The following CSMD1 variants were observed in gnomAD, a reference collection of about 807,000 sequenced individuals.
CSMD1 encodes the protein CUB and Sushi multiple domains 1.
In CSMD1, 213 loss-of-function variants were observed where a neutral mutation model predicts 417.5. That is an observed-to-expected ratio of 0.51 (90% CI 0.46 to 0.57). The LOEUF (loss-of-function observed/expected upper bound fraction) is 0.57, where lower values mean the gene tolerates loss of function less well. Among genes scored for constraint, CSMD1 ranks in the 20% least tolerant of loss-of-function variants. CSMD1 has a pLI of 0.00. For synonymous variants in CSMD1, 2,862 were observed against 1,736.8 expected (o/e 1.65, Z -16.11); for missense variants, 6,923 against 4,529.7 (o/e 1.53, Z -15.17).
intron 23 of CSMD1, among the ~76,000 whole-genome samples, chr8:3,340,876 G>T (rs1445535542): frequency 2.6e-5 from 4 of 152,232 alleles, no homozygotes; most frequent in African/African-American, 9.6e-5. Flanking sequence ...GGAACAGAAA[G>T]GTGAAACAGG....
intron 25 of CSMD1, among the ~76,000 whole-genome samples, chr8:3,297,280 C>G (rs981356484): frequency 6.6e-6 from 1 of 151,982 alleles, no homozygotes; most frequent in African/African-American, 2.4e-5. Context: ...CATGGGATAT[C>G]AATAAAAATC....
intron 10 of CSMD1, among the ~76,000 whole-genome samples, chr8:3,570,484 G>A (rs12677339): frequency 0.13 from 20,059 of 152,152 alleles, 1,660 homozygotes; most frequent in East Asian, 0.41. Context: ...CATTAAACAT[G>A]ACCAAATCGG....
chr8:3,729,468 T>C (rs917071113), intron 6 of CSMD1, among the ~76,000 whole-genome samples: 2 of 152,288 alleles, frequency 1.3e-5, no homozygotes, highest in African/African-American at 2.4e-5. Context: ...ACATTTCAAG[T>C]GCTTGAACAT....
At chr8:4,940,837 G>C (rs192928838) in intron 1 of CSMD1, among the ~76,000 whole-genome samples, 1 of 152,130 alleles carries the variant, frequency 6.6e-6, no homozygotes. Flanking sequence ...CCATGTGTCA[G>C]GTAAGGCTTA....
chr8:4,125,285 T>A (rs1296810679), intron 3 of CSMD1, among the ~76,000 whole-genome samples: 2 of 152,198 alleles, frequency 1.3e-5, no homozygotes, highest in Non-Finnish European at 2.9e-5. Flanking sequence ...CTGAGATAAA[T>A]GCGAATCTGA....
chr8:4,325,929 G>C (rs1358512666), intron 3 of CSMD1, among the ~76,000 whole-genome samples: 3 of 152,068 alleles, frequency 2.0e-5, no homozygotes, highest in Admixed American at 6.6e-5. Flanking sequence ...TGCTGGCTGG[G>C]GCACCTTTTT....
intron 3 of CSMD1, among the ~76,000 whole-genome samples, chr8:4,288,386 G>A (rs961481853): frequency 6.6e-6 from 1 of 152,108 alleles, no homozygotes; most frequent in Non-Finnish European, 1.5e-5. Flanking sequence ...TATCTTACAA[G>A]AATGACCTAC....
chr8:4,084,251 A>T (rs1390684879), intron 3 of CSMD1, among the ~76,000 whole-genome samples: 2 of 152,142 alleles, frequency 1.3e-5, no homozygotes, highest in Admixed American at 6.5e-5. Context: ...CTACAAAATA[A>T]ATAAAAGTGA....
At chr8:3,926,788 T>A (rs1177504721) in intron 5 of CSMD1, among the ~76,000 whole-genome samples, 8 of 140,382 alleles carry the variant, frequency 5.7e-5, no homozygotes, top group Non-Finnish European at 3.0e-5. Flanking sequence ...TGATCTCAGC[T>A]CACTGCAACC....
At chr8:4,327,497 T>G (rs35520010) in intron 3 of CSMD1, among the ~76,000 whole-genome samples, 19,606 of 152,200 alleles carry the variant, frequency 0.13, 1,555 homozygotes, top group Middle Eastern at 0.2. Flanking sequence ...TTCTCTGTGC[T>G]GAGTGCCTTT....
intron 41 of CSMD1, among the ~76,000 whole-genome samples, chr8:3,123,063 A>G (rs950325080): frequency 4.6e-5 from 7 of 152,162 alleles, no homozygotes; most frequent in Non-Finnish European, 5.9e-5. Flanking sequence ...CGTGTCCCTC[A>G]TGATTGATTG....
intron 3 of CSMD1, among the ~76,000 whole-genome samples, chr8:4,205,045 AT>A (rs934363450): frequency 1.3e-5 from 2 of 152,140 alleles, no homozygotes; most frequent in Admixed American, 6.5e-5. Flanking sequence ...ATTTACCTCT[AT>A]TTTTTTCATA....
At chr8:3,551,658 G>C (rs755650999) in intron 10 of CSMD1, among the ~76,000 whole-genome samples, 2 of 144,028 alleles carry the variant, frequency 1.4e-5, no homozygotes, top group Admixed American at 1.4e-4. Context: ...TTAATACCAA[G>C]CCAGTGTATA....
chr8:3,284,082 G>T (rs1030723746), intron 26 of CSMD1, 62 bp downstream of exon 26: 2 of 1,267,492 alleles, frequency 1.6e-6, no homozygotes, highest in South Asian at 1.3e-5. Context: ...AATGGAGGGA[G>T]ATCTGTGTTC....
intron 8 of CSMD1, among the ~76,000 whole-genome samples, chr8:3,593,509 C>A (rs751732972): frequency 6.6e-6 from 1 of 152,134 alleles, no homozygotes; most frequent in Non-Finnish European, 1.5e-5. Flanking sequence ...GGCCAAAATG[C>A]CCTCTCCACA....
At chr8:4,176,520 A>G (rs910978352) in intron 3 of CSMD1, among the ~76,000 whole-genome samples, 1 of 152,066 alleles carries the variant, frequency 6.6e-6, no homozygotes, top group Non-Finnish European at 1.5e-5. Context: ...TCACTGTGAC[A>G]TATCAATCAC....
chr8:3,383,065 G>C (rs373429966), intron 18 of CSMD1, among the ~76,000 whole-genome samples: 1 of 151,686 alleles, frequency 6.6e-6, no homozygotes, highest in African/African-American at 2.4e-5. Flanking sequence ...CCAGATTGGA[G>C]AAGAAATGGA....
At position 3,118,534 on chromosome 8, in the gene CSMD1, T is replaced by C; in HGVS notation, c.6295A>G (p.Ile2099Val). The C allele has an allele frequency of 6.2e-7, 1 of 1,613,884 alleles. No homozygotes were observed. Among genetic ancestry groups the C allele is most frequent in the Non-Finnish European group, 8.5e-7 (1 of 1,179,864 alleles). The part of the protein sequence containing the change: ...DPPPFQNGYM[I>V]NSDYSVGQSV... ...TGCCCCACGCTGTAATCCGAGTTGA[T>C]CATGTACCCATTCTGAAATGGGGGT... is the stretch of plus-strand genomic sequence containing the variant. Residue 2099 changes from isoleucine (I) to valine (V), a missense_variant, in exon 42 of 70, where the codon ATC (isoleucine) becomes GTC (valine). Transcript: ENST00000635120.
intron 7 of CSMD1, among the ~76,000 whole-genome samples, chr8:3,669,484 T>A (rs902585300): frequency 6.6e-6 from 1 of 152,158 alleles, no homozygotes. Flanking sequence ...TAATTAGATA[T>A]CCTCTACTAA....
Sources: allele counts gnomAD v4.1 joint callset (sites outside exome capture counted in the v4.1 genomes callset), GRCh38; gene constraint gnomAD v4.1.1; transcripts MANE v1.5; gene names NCBI Gene and HGNC (gene_info 2026-07-23, HGNC 2026-07-21).